The following CSMD3 variants were observed in gnomAD, a reference collection of about 807,000 sequenced individuals.
CSMD3 encodes CUB and sushi domain-containing protein 3.
A neutral mutation model predicts 435.2 loss-of-function variants in CSMD3; 177 were observed. That is an observed-to-expected ratio of 0.41 (90% CI 0.36 to 0.46). CSMD3 has a LOEUF of 0.46. Among genes scored for constraint, CSMD3 ranks in the 20% least tolerant of loss-of-function variants. The pLI, the probability that CSMD3 is intolerant of heterozygous loss-of-function variation, is 0.34. For missense variants in CSMD3, 4,265 were observed against 4,504.6 expected (o/e 0.95, Z 1.52); for synonymous variants, 1,656 against 1,520.5 (o/e 1.09, Z -2.07).
chr8:112,624,825 T>A (rs1834352032), intron 22 of CSMD3, among the ~76,000 whole-genome samples: 2 of 152,024 alleles, frequency 1.3e-5, no homozygotes, highest in Admixed American at 6.6e-5. Flanking sequence ...ATGATTTCCA[T>A]ATCTAGGGCA....
chr8:113,434,581 G>A (rs2094693795), intron 1 of CSMD3, among the ~76,000 whole-genome samples: 1 of 152,124 alleles, frequency 6.6e-6, no homozygotes, highest in South Asian at 2.1e-4. Context: ...TGCCTTCCAA[G>A]TGCCCGATGA....
rs1295105438 is a variant in CSMD3, at chr8:112,320,001, G to A, written c.7166-20C>T. On this transcript the variant is annotated intron_variant, in intron 45 of 70. Transcript: ENST00000297405. ...GATAGGCTACAAAAATAAACAAAGTGTTTATTCCTTTTCTGTGCAGCTACA... is the reference window on the plus strand; with the variant it reads ...GATAGGCTACAAAAATAAACAAAGTATTTATTCCTTTTCTGTGCAGCTACA... 1 of 1,548,834 alleles carries A rather than the reference G, an allele frequency of 6.5e-7. No homozygotes were observed. Among genetic ancestry groups the A allele is most frequent in the Non-Finnish European group, 8.9e-7 (1 of 1,120,958 alleles).
At chr8:112,993,572 A>G (rs2085533064) in intron 6 of CSMD3, among the ~76,000 whole-genome samples, 1 of 151,888 alleles carries the variant, frequency 6.6e-6, no homozygotes. Context: ...CTGAAGATAT[A>G]AAGATAAAAA....
intron 13 of CSMD3, among the ~76,000 whole-genome samples, chr8:112,716,281 T>C (rs2076726236): frequency 6.6e-6 from 1 of 151,870 alleles, no homozygotes; most frequent in Admixed American, 6.6e-5. Flanking sequence ...ATGCCAACTA[T>C]AGATAAGCAG....
chr8:113,354,002 A>G (rs2094205989), intron 1 of CSMD3, among the ~76,000 whole-genome samples: 1 of 152,046 alleles, frequency 6.6e-6, no homozygotes, highest in African/African-American at 2.4e-5. Flanking sequence ...GCAAAAGTCT[A>G]TTTTGTTGTT....
chr8:112,647,372 G>A (rs1418773348), intron 19 of CSMD3, among the ~76,000 whole-genome samples: 1 of 150,676 alleles, frequency 6.6e-6, no homozygotes, highest in Non-Finnish European at 1.5e-5. Flanking sequence ...CGCTATCTCG[G>A]CTCCCTGAAA....
intron 6 of CSMD3, among the ~76,000 whole-genome samples, chr8:112,984,108 AT>A (rs1434502768): frequency 2.6e-5 from 4 of 152,042 alleles, no homozygotes; most frequent in African/African-American, 9.7e-5. Context: ...AATATAGTCT[AT>A]CATCAAAGCT....
chr8:113,170,584 T>C (rs547169076), intron 4 of CSMD3, among the ~76,000 whole-genome samples: 85 of 152,256 alleles, frequency 5.6e-4, no homozygotes, highest in South Asian at 2.1e-3. Context: ...ACCTTCCTTA[T>C]CAAGATTCCT....
At chr8:112,393,654 CTCTT>C (rs1373027826) in intron 35 of CSMD3, among the ~76,000 whole-genome samples, 4 of 152,200 alleles carry the variant, frequency 2.6e-5, no homozygotes, top group Non-Finnish European at 5.9e-5. Flanking sequence ...CCTCCATCCT[CTCTT>C]TCATGCATTG....
intron 4 of CSMD3, among the ~76,000 whole-genome samples, chr8:113,153,005 C>T (rs916562406): frequency 4.0e-5 from 3 of 74,470 alleles, no homozygotes; most frequent in Non-Finnish European, 6.3e-5. Flanking sequence ...CAAAAGAATA[C>T]AAAAGGAAAA....
chr8:112,543,991 C>T (rs968158301), intron 27 of CSMD3, among the ~76,000 whole-genome samples: 3 of 152,124 alleles, frequency 2.0e-5, no homozygotes, highest in African/African-American at 7.2e-5. Context: ...TACTGCATGA[C>T]TTCACTTATA....
intron 5 of CSMD3, among the ~76,000 whole-genome samples, chr8:113,090,583 A>C (rs1346156883): frequency 6.6e-6 from 1 of 152,128 alleles, no homozygotes; most frequent in Non-Finnish European, 1.5e-5. Context: ...TAATGTGCTT[A>C]GAAGAGGCAA....
intron 69 of CSMD3, among the ~76,000 whole-genome samples, chr8:112,229,569 C>T (rs1812896485): frequency 6.6e-6 from 1 of 152,240 alleles, no homozygotes; most frequent in Admixed American, 6.5e-5. Context: ...GCTGGGACTG[C>T]AGGCACATGC....
At chr8:112,607,626 T>C (rs1475442696) in intron 22 of CSMD3, among the ~76,000 whole-genome samples, 1 of 152,124 alleles carries the variant, frequency 6.6e-6, no homozygotes, top group African/African-American at 2.4e-5. Flanking sequence ...TCAAGTTAGA[T>C]TTATCCCTGG....
intron 32 of CSMD3, among the ~76,000 whole-genome samples, chr8:112,455,106 AAAAT>A (rs1816699041): frequency 6.6e-6 from 1 of 152,168 alleles, no homozygotes; most frequent in South Asian, 2.1e-4. Flanking sequence ...TACCCAAAGG[AAAAT>A]AAATTGTTCT....
intron 1 of CSMD3, among the ~76,000 whole-genome samples, chr8:113,370,097 T>C (rs72670793): frequency 4.6e-5 from 7 of 151,836 alleles, no homozygotes; most frequent in Admixed American, 2.0e-4. Flanking sequence ...AGGTAATGTA[T>C]ATATTAATTA....
chr8:113,388,184 C>T (rs1040312025), intron 1 of CSMD3, among the ~76,000 whole-genome samples: 3 of 151,524 alleles, frequency 2.0e-5, no homozygotes, highest in African/African-American at 7.3e-5. Context: ...TAGCGGACAT[C>T]CCATAATCAG....
At chr8:112,422,749 T>C (rs1004880048) in intron 32 of CSMD3, among the ~76,000 whole-genome samples, 1 of 152,186 alleles carries the variant, frequency 6.6e-6, no homozygotes, top group Non-Finnish European at 1.5e-5. Context: ...TCTGTTATCT[T>C]ACAAATTCAA....
intron 24 of CSMD3, among the ~76,000 whole-genome samples, chr8:112,570,788 T>C (rs1454002267): frequency 6.6e-6 from 1 of 152,182 alleles, no homozygotes; most frequent in Non-Finnish European, 1.5e-5. Context: ...CACAAAATTG[T>C]CTACTGATAT....
Sources: gnomAD v4.1 joint callset for allele counts (sites outside exome capture counted in the v4.1 genomes callset) on GRCh38, gnomAD v4.1.1 for gene constraint, MANE v1.5 for transcripts, NCBI Gene and HGNC (gene_info 2026-07-23, HGNC 2026-07-21) for gene names.